TRPM3: variants seen among roughly 807,000 people sequenced by gnomAD.
TRPM3 encodes the protein long transient receptor potential channel 3.
Under a neutral mutation model 181.2 loss-of-function variants are expected in TRPM3, and 77 were observed. The observed-to-expected ratio is 0.42, with a 90% CI of 0.35 to 0.51. The LOEUF is 0.51. Ranked by LOEUF, TRPM3 falls within the 20% of genes least tolerant of loss-of-function variation. The pLI is 0.01. For missense variants in TRPM3, 1,759 were observed against 2,196.7 expected (o/e 0.80, Z 3.98); for synonymous variants, 745 against 796.4 (o/e 0.94, Z 1.09).
intron 1 of TRPM3, among the ~76,000 whole-genome samples, chr9:71,315,106 G>C (rs1003065803): frequency 1.3e-5 from 2 of 152,078 alleles, no homozygotes; most frequent in Middle Eastern, 3.2e-3. Context: ...ACATGGTAGG[G>C]TTTAATAAGC....
At chr9:71,340,434 T>C (rs1253006551) in intron 1 of TRPM3, among the ~76,000 whole-genome samples, 2 of 152,090 alleles carry the variant, frequency 1.3e-5, no homozygotes, top group Admixed American at 1.3e-4. Flanking sequence ...TGGAAGGTAA[T>C]TGAATCATGG....
At chr9:70,787,861 A>T (rs1267676348) in intron 6 of TRPM3, among the ~76,000 whole-genome samples, 4 of 148,730 alleles carry the variant, frequency 2.7e-5, no homozygotes, top group Non-Finnish European at 3.0e-5. Flanking sequence ...ACAGAAAAGT[A>T]CACACATTAT....
chr9:70,814,298 A>G (rs1344839634), intron 6 of TRPM3, among the ~76,000 whole-genome samples: 1 of 152,158 alleles, frequency 6.6e-6, no homozygotes. Flanking sequence ...AACGGGTTGT[A>G]GGACACTGGG....
intron 1 of TRPM3, among the ~76,000 whole-genome samples, chr9:71,294,083 A>G (rs1283718062): frequency 1.3e-5 from 2 of 152,182 alleles, no homozygotes; most frequent in Admixed American, 1.3e-4. Context: ...TATCTTTATG[A>G]TATCATAATA....
chr9:71,297,584 C>T (rs984175276), intron 1 of TRPM3, among the ~76,000 whole-genome samples: 1 of 152,104 alleles, frequency 6.6e-6, no homozygotes, highest in Admixed American at 6.5e-5. Context: ...ACCATCAGAT[C>T]TCATGAAAAC....
intron 1 of TRPM3, among the ~76,000 whole-genome samples, chr9:70,998,665 T>C (rs570234269): frequency 6.6e-6 from 1 of 152,296 alleles, no homozygotes; most frequent in East Asian, 1.9e-4. Flanking sequence ...CCTCCATCAC[T>C]ACTTCTTAGT....
rs1554670615 is a variant in TRPM3 at position 70,689,529 on chromosome 9, A to AAC, written c.1273-7952_1273-7951insGT. On this transcript the variant is annotated intron_variant, in intron 8 of 25. Coordinates refer to ENST00000677713, the MANE Select transcript of TRPM3 (RefSeq NM_001366145.2). The stretch of plus-strand genomic sequence containing the variant: ...CCATCACTAAATTACTTTAAAAAAA[A>AAC]AACAACAAGAGAGATGAAGTGAAGT... Among the ~76,000 whole-genome samples, 50 of 151,798 alleles carry AAC rather than the reference A, an allele frequency of 3.3e-4. 1 individual carries two copies. Among genetic ancestry groups the AAC allele is most frequent in the African/African-American group, 1.1e-3 (45 of 41,428 alleles).
At chr9:70,649,806 C>A (rs530605350) in intron 9 of TRPM3, among the ~76,000 whole-genome samples, 1 of 152,278 alleles carries the variant, frequency 6.6e-6, no homozygotes, top group African/African-American at 2.4e-5. Flanking sequence ...AATCCCATTA[C>A]TGGGCATACA....
intron 22 of TRPM3, among the ~76,000 whole-genome samples, chr9:70,566,309 G>A (rs1183928091): frequency 6.6e-6 from 1 of 152,056 alleles, no homozygotes; most frequent in Non-Finnish European, 1.5e-5. Flanking sequence ...TGGCTAAGTG[G>A]CTCTCTGGGG....
At chr9:70,639,247 G>A in intron 10 of TRPM3, 53 bp from the exon 11 acceptor site, 1 of 1,591,792 alleles carries the variant, frequency 6.3e-7, no homozygotes. Flanking sequence ...TATGGATGCA[G>A]TTCTTTAGTG....
At chr9:71,139,184 A>G (rs2074950889) in intron 1 of TRPM3, among the ~76,000 whole-genome samples, 1 of 152,202 alleles carries the variant, frequency 6.6e-6, no homozygotes, top group Non-Finnish European at 1.5e-5. Context: ...AACTGAAATA[A>G]GCAGTGTTCT....
intron 1 of TRPM3, among the ~76,000 whole-genome samples, chr9:71,183,696 A>G (rs185498510): frequency 8.3e-4 from 127 of 152,226 alleles, no homozygotes; most frequent in Admixed American, 1.5e-3. Context: ...TTTCTATCAC[A>G]TTCTTGCAGC....
intron 1 of TRPM3, among the ~76,000 whole-genome samples, chr9:71,287,306 C>T (rs1016561436): frequency 2.0e-5 from 3 of 151,672 alleles, no homozygotes; most frequent in African/African-American, 7.3e-5. Context: ...GAATAGTTCA[C>T]AGGAGAAGCA....
In TRPM3 at chr9:71,408,464, C is replaced by T. The variant is rs376491586; in HGVS notation, c.183+38189G>A. 2.1e-3 allele frequency among the ~76,000 whole-genome samples: 325 copies of T among 152,200 alleles called. 2 individuals carry two copies. The highest frequency in any genetic ancestry group is 9.3e-4 in the Non-Finnish European group (63 of 68,020). ...GAGAACTACGTGATGCATGCACAAGCTTCAGTAGCCGATTCAATCAAGTGG... is the reference window on the plus strand; with the variant it reads ...GAGAACTACGTGATGCATGCACAAGTTTCAGTAGCCGATTCAATCAAGTGG... On this transcript the variant is annotated intron_variant, in intron 1 of 24. Coordinates refer to the TRPM3 transcript ENST00000357533.
rs5898151 is a variant in TRPM3 at position 70,604,964 on chromosome 9, C to CTTTTTTTTTTTT, written c.2668-1495_2668-1494insAAAAAAAAAAAA. On this transcript the variant is annotated intron_variant, in intron 19 of 25. Coordinates refer to ENST00000677713, the MANE Select transcript of TRPM3 (RefSeq NM_001366145.2). ...ACCATGCTCAGCTGAATGGATTCTT[C>CTTTTTTTTTTTT]TTTTTTTTTGGAGACTGAGTCTCAC... 5.9e-4 allele frequency among the ~76,000 whole-genome samples: 77 copies of CTTTTTTTTTTTT among 129,920 alleles called. 4 individuals are homozygous for CTTTTTTTTTTTT. The highest frequency in any genetic ancestry group is 8.5e-3 in the Middle Eastern group (2 of 234). 85.2% of individuals were successfully genotyped at this position (129,920 alleles called of 152,430 possible). A position where few individuals can be genotyped will look rare whatever the true frequency, so the allele number is the denominator to read the frequency against.
chr9:71,177,018 C>T (rs1475903904), intron 1 of TRPM3, among the ~76,000 whole-genome samples: 1 of 152,084 alleles, frequency 6.6e-6, no homozygotes, highest in Non-Finnish European at 1.5e-5. Context: ...TCTGTATTTA[C>T]AGCCACCTCC....
chr9:71,209,111 T>C (rs1240030451), intron 1 of TRPM3, among the ~76,000 whole-genome samples: 2 of 152,080 alleles, frequency 1.3e-5, no homozygotes, highest in Non-Finnish European at 2.9e-5. Context: ...GAAAGAGTAA[T>C]TAGCAAATAG....
intron 9 of TRPM3, among the ~76,000 whole-genome samples, chr9:70,656,512 A>C (rs1173896664): frequency 1.3e-5 from 2 of 151,054 alleles, no homozygotes; most frequent in Non-Finnish European, 2.9e-5. Flanking sequence ...GAATGAGAAC[A>C]GCTTGGAGGT....
chr9:70,856,011 T>A (rs975081921), intron 3 of TRPM3, among the ~76,000 whole-genome samples: 2 of 152,202 alleles, frequency 1.3e-5, no homozygotes, highest in African/African-American at 2.4e-5. Flanking sequence ...TAATATGAGA[T>A]ATCAGGTACT....
Sources: allele counts gnomAD v4.1 joint callset (sites outside exome capture counted in the v4.1 genomes callset), GRCh38; gene constraint gnomAD v4.1.1; transcripts MANE v1.5; gene names NCBI Gene and HGNC (gene_info 2026-07-23, HGNC 2026-07-21).